The following RBM25 variants were observed in gnomAD, a reference collection of about 807,000 sequenced individuals.
The protein encoded by RBM25 is RNA-binding protein 25.
A neutral mutation model predicts 120.7 loss-of-function variants in RBM25; 19 were observed. The ratio of observed to expected loss-of-function variants is 0.16; its 90% CI spans 0.11 to 0.23. The LOEUF is 0.23. RBM25 is among the 10% of genes least tolerant of loss of function. The probability of loss-of-function intolerance (pLI) is 1.00; values close to 1 mark genes in which losing one functional copy is unlikely to be tolerated. For synonymous variants in RBM25, 390 were observed against 326.7 expected (o/e 1.19, Z -2.09); for missense variants, 605 against 1,041.5 (o/e 0.58, Z 5.77).
At chr14:73,080,263 G>A (rs1265673676) in intron 4 of RBM25, among the ~76,000 whole-genome samples, 3 of 110,376 alleles carry the variant, frequency 2.7e-5, no homozygotes, top group East Asian at 3.0e-4. Flanking sequence ...TTGCTCTGTC[G>A]CCCAGGCTGT....
In RBM25 at chr14:73,088,175, C is replaced by A; in HGVS notation, c.543+14C>A. Reference sequence around the variant, plus strand: ...GCTTCTAATGGGGTATGTTTTCTGTCGTGTTATCTTTTCTAGGCCAGACTG... The same window carrying A: ...GCTTCTAATGGGGTATGTTTTCTGTAGTGTTATCTTTTCTAGGCCAGACTG... On this transcript the variant is annotated intron_variant, in intron 6 of 18. Transcript: ENST00000261973. The A allele has an allele frequency of 6.2e-7, 1 of 1,613,440 alleles. No homozygotes were observed. Among genetic ancestry groups the A allele is most frequent in the South Asian group, 1.1e-5 (1 of 90,972 alleles).
chr14:73,120,475 T>C lies in RBM25; in HGVS notation c.*670T>C, dbSNP rs1378847713. On this transcript the variant is annotated 3_prime_UTR_variant, in exon 19 of 19. Coordinates refer to ENST00000261973, the MANE Select transcript of RBM25 (RefSeq NM_021239.3). ...GAAATGTCTGTTATAATTAGGTTAT[T>C]AGTTTCCCAGAGCATGGTGTTCTCG... 1 of 152,638 alleles carries C rather than the reference T, an allele frequency of 6.6e-6. No individual in the cohort carries two copies. The highest frequency in any genetic ancestry group is 1.9e-4 in the East Asian group (1 of 5,198). The allele number at this position is 152,638 out of a possible 1,614,324, so 9.5% of individuals were successfully genotyped here.
intron 1 of RBM25, chr14:73,058,959 C>T (rs936508365): frequency 6.6e-6 from 1 of 152,398 alleles, no homozygotes; most frequent in South Asian, 2.1e-4. Context: ...TGCATTGTCG[C>T]CCACTTTCCC....
intron 9 of RBM25, chr14:73,101,938 T>C (rs993272721): frequency 7.2e-5 from 11 of 152,340 alleles, no homozygotes; most frequent in African/African-American, 2.4e-4. Flanking sequence ...GTAATTTCAA[T>C]GTATTCAGTT....
chr14:73,088,176 G>A lies in RBM25; in HGVS notation c.543+15G>A, dbSNP rs114003488. On this transcript the variant is annotated intron_variant, in intron 6 of 18. Coordinates refer to ENST00000261973, the MANE Select transcript of RBM25 (RefSeq NM_021239.3). ...CTTCTAATGGGGTATGTTTTCTGTC[G>A]TGTTATCTTTTCTAGGCCAGACTGT... is the stretch of plus-strand genomic sequence containing the variant. 3.7e-4 allele frequency: 596 copies of A among 1,613,518 alleles called. 3 individuals carry two copies. The African/African-American group carries it at 7.0e-3, about 19-fold the overall frequency.
rs554624059 is a variant in RBM25 at position 73,094,538 on chromosome 14, C to T, written c.544-2377C>T. On this transcript the variant is annotated intron_variant, in intron 6 of 18. Coordinates refer to ENST00000261973, the MANE Select transcript of RBM25 (RefSeq NM_021239.3). Reference sequence around the variant, plus strand: ...TATTGGCTCACTGCAATCTCTGCCTCCCGGGTTCAAGCCATTCTCCTGCCT... The same window carrying T: ...TATTGGCTCACTGCAATCTCTGCCTTCCGGGTTCAAGCCATTCTCCTGCCT... Among the ~76,000 whole-genome samples, 5 of 151,904 alleles carry T rather than the reference C, an allele frequency of 3.3e-5. No individual in the cohort carries two copies. The East Asian group carries it at 7.8e-4, about 24-fold the overall frequency.
intron 6 of RBM25, among the ~76,000 whole-genome samples, chr14:73,096,184 C>G (rs1221552926): frequency 6.6e-6 from 1 of 152,112 alleles, no homozygotes; most frequent in Non-Finnish European, 1.5e-5. Flanking sequence ...ACCATGTTGG[C>G]CAGGCTGGTC....
chr14:73,101,004 G>A (rs908889737), intron 9 of RBM25: 1 of 152,070 alleles, frequency 6.6e-6, no homozygotes, highest in Non-Finnish European at 1.5e-5. Context: ...GTTAAACCCT[G>A]TCATGTTATT....
At chr14:73,086,865 C>T (rs1418820236) in intron 5 of RBM25, among the ~76,000 whole-genome samples, 4 of 152,100 alleles carry the variant, frequency 2.6e-5, no homozygotes, top group Non-Finnish European at 5.9e-5. Flanking sequence ...CCACCACACC[C>T]AGCTAGTTTT....
chr14:73,077,306 A>G (rs1895446871), intron 3 of RBM25, 63 bp from the exon 4 acceptor site: 1 of 1,390,884 alleles, frequency 7.2e-7, no homozygotes, highest in African/African-American at 1.4e-5. Flanking sequence ...TTTTTAGCCT[A>G]ATGTTAATTG....
chr14:73,107,696 A>C (rs1896220041), intron 12 of RBM25, 130 bp from the exon 13 acceptor site: 1 of 689,248 alleles, frequency 1.5e-6, no homozygotes. Flanking sequence ...ATGTGAAGAG[A>C]AATTCCTATA....
chr14:73,070,701 C>T (rs1462676064), intron 1 of RBM25, among the ~76,000 whole-genome samples: 6 of 152,034 alleles, frequency 3.9e-5, no homozygotes, highest in African/African-American at 9.7e-5. Context: ...GTAATCCTAG[C>T]GCTTTGGGAA....
At chr14:73,088,284 A>G in intron 6 of RBM25, 123 bp downstream of exon 6, 1 of 1,226,350 alleles carries the variant, frequency 8.2e-7, no homozygotes, top group Non-Finnish European at 1.2e-6. Flanking sequence ...TTGTGGCTTA[A>G]TGTAGGAGGG....
chr14:73,106,950 C>T (rs1594931320), intron 12 of RBM25, among the ~76,000 whole-genome samples: 1 of 151,938 alleles, frequency 6.6e-6, no homozygotes, highest in East Asian at 1.9e-4. Context: ...AGCGATTCTC[C>T]TGCCTCAGCC....
intron 6 of RBM25, among the ~76,000 whole-genome samples, chr14:73,094,397 T>A (rs1895888586): frequency 6.6e-6 from 1 of 152,148 alleles, no homozygotes; most frequent in South Asian, 2.1e-4. Context: ...GCCATATTGA[T>A]ATTTAAATTT....
chr14:73,095,500 G>A (rs956082888), intron 6 of RBM25, among the ~76,000 whole-genome samples: 1 of 151,904 alleles, frequency 6.6e-6, no homozygotes, highest in Non-Finnish European at 1.5e-5. Flanking sequence ...CAGCTACTCA[G>A]GAGGCTAAGG....
intron 1 of RBM25, among the ~76,000 whole-genome samples, chr14:73,070,270 T>C (rs527241716): frequency 2.0e-5 from 3 of 152,144 alleles, no homozygotes; most frequent in African/African-American, 7.2e-5. Context: ...TTGGTGAGGC[T>C]GGTCTCGAAC....
chr14:73,094,725 A>G (rs1012700950), intron 6 of RBM25, among the ~76,000 whole-genome samples: 3 of 151,814 alleles, frequency 2.0e-5, no homozygotes, highest in South Asian at 2.1e-4. Flanking sequence ...ACGGGGTTTC[A>G]CCATGTTGGT....
intron 6 of RBM25, 112 bp downstream of exon 6, chr14:73,088,273 C>A: frequency 1.5e-6 from 2 of 1,355,436 alleles, no homozygotes; most frequent in South Asian, 1.2e-5. Context: ...CATGTATGTG[C>A]TTGTGGCTTA....
Sources: allele counts gnomAD v4.1 joint callset (sites outside exome capture counted in the v4.1 genomes callset), GRCh38; gene constraint gnomAD v4.1.1; transcripts MANE v1.5; gene names NCBI Gene and HGNC (gene_info 2026-07-23, HGNC 2026-07-21).